Variants in ATG10 observed in about 807,000 individuals in gnomAD.
The protein encoded by ATG10 is ubiquitin-like-conjugating enzyme ATG10.
A neutral mutation model predicts 32.1 loss-of-function variants in ATG10; 30 were observed. That is an observed-to-expected ratio of 0.94 (90% CI 0.70 to 1.27). The LOEUF (loss-of-function observed/expected upper bound fraction) is 1.27. ATG10 is among the 50% of genes most tolerant of loss of function. The pLI is 0.00. For missense variants in ATG10, 233 were observed against 262.3 expected, an observed-to-expected ratio of 0.89 and a Z score of 0.77; for synonymous variants, 87 against 91.5, an observed-to-expected ratio of 0.95 and a Z score of 0.28.
At chr5:82,077,692 G>A (rs533241662) in intron 3 of ATG10, among the ~76,000 whole-genome samples, 7 of 152,240 alleles carry the variant, frequency 4.6e-5, no homozygotes, top group Non-Finnish European at 7.3e-5. Context: ...TAGTGCAGAC[G>A]TCTTTGCATC....
intron 5 of ATG10, among the ~76,000 whole-genome samples, chr5:82,199,339 A>G (rs915467718): frequency 6.6e-6 from 1 of 151,990 alleles, no homozygotes; most frequent in Non-Finnish European, 1.5e-5. Context: ...CCAAGTCTTG[A>G]CAGCTAACTA....
intron 4 of ATG10, among the ~76,000 whole-genome samples, chr5:82,174,991 G>A (rs1351704159): frequency 6.6e-6 from 1 of 152,142 alleles, no homozygotes; most frequent in Non-Finnish European, 1.5e-5. Context: ...GGAGACCATG[G>A]TTTGGAGAGG....
At chr5:82,160,379 G>A (rs1743268747) in intron 3 of ATG10, among the ~76,000 whole-genome samples, 1 of 152,126 alleles carries the variant, frequency 6.6e-6, no homozygotes, top group East Asian at 1.9e-4. Flanking sequence ...TTCCTAAATA[G>A]TATGGTATGG....
At chr5:82,162,124 A>G (rs1446875594) in intron 3 of ATG10, among the ~76,000 whole-genome samples, 2 of 152,126 alleles carry the variant, frequency 1.3e-5, no homozygotes, top group African/African-American at 2.4e-5. Flanking sequence ...CTATTTTTCT[A>G]TGGTGCAGAC....
chr5:82,071,542 G>A (rs1487509233), intron 3 of ATG10, among the ~76,000 whole-genome samples: 5 of 152,092 alleles, frequency 3.3e-5, no homozygotes, highest in Non-Finnish European at 7.4e-5. Context: ...ATCACGCAGG[G>A]TATTGGAATT....
intron 5 of ATG10, among the ~76,000 whole-genome samples, chr5:82,196,017 A>T (rs1409921469): frequency 6.6e-6 from 1 of 152,214 alleles, no homozygotes; most frequent in Non-Finnish European, 1.5e-5. Flanking sequence ...TGAGGGTTAC[A>T]GTTTCTCCCC....
At chr5:82,103,724 C>T (rs1459066322) in intron 3 of ATG10, among the ~76,000 whole-genome samples, 2 of 151,990 alleles carry the variant, frequency 1.3e-5, no homozygotes, top group South Asian at 2.1e-4. Context: ...GGGTGGGCTT[C>T]AGTGGTTCTC....
In ATG10 at chr5:81,979,092, A is replaced by AT. The variant is rs1760954482; in HGVS notation, c.-13+6790dup. Among the ~76,000 whole-genome samples, 6 of 151,710 alleles carry AT rather than the reference A, an allele frequency of 4.0e-5. No individual in the cohort carries two copies. In the South Asian group the frequency reaches 1.2e-3, roughly 32 times the overall value. Reference sequence around the variant, plus strand: ...TTTTTGTATTTTTAGTAGAGAAGGGATTTTGCCATGTTTGCCAGGCTGGTC... The same window carrying AT: ...TTTTTGTATTTTTAGTAGAGAAGGGATTTTTGCCATGTTTGCCAGGCTGGTC... On this transcript the variant is annotated intron_variant, in intron 1 of 7. Transcript: ENST00000282185.
intron 5 of ATG10, among the ~76,000 whole-genome samples, chr5:82,193,454 T>C (rs552276460): frequency 1.1e-4 from 17 of 152,290 alleles, no homozygotes; most frequent in Admixed American, 7.8e-4. Flanking sequence ...CACACGGCAG[T>C]TTGGGTTTTT....
At chr5:82,135,002 T>A (rs1234216836) in intron 3 of ATG10, among the ~76,000 whole-genome samples, 2 of 150,384 alleles carry the variant, frequency 1.3e-5, no homozygotes. Context: ...ATTTTCTAGT[T>A]TATTTGCATA....
At chr5:82,142,447 T>C (rs1343182562) in intron 3 of ATG10, among the ~76,000 whole-genome samples, 1 of 152,112 alleles carries the variant, frequency 6.6e-6, no homozygotes, top group Non-Finnish European at 1.5e-5. Flanking sequence ...ATGGCACGTA[T>C]GTAAAGGCAC....
chr5:82,016,518 C>T (rs1371355762), intron 2 of ATG10, among the ~76,000 whole-genome samples: 1 of 152,066 alleles, frequency 6.6e-6, no homozygotes, highest in East Asian at 1.9e-4. Context: ...AATGTAATGC[C>T]TCCAGATTTG....
intron 2 of ATG10, among the ~76,000 whole-genome samples, chr5:81,989,056 T>G (rs1234388025): frequency 2.0e-5 from 3 of 152,108 alleles, no homozygotes; most frequent in Non-Finnish European, 4.4e-5. Context: ...GGTCTTGAAC[T>G]CCTGACCTTA....
intron 5 of ATG10, among the ~76,000 whole-genome samples, chr5:82,250,695 G>A (rs566794007): frequency 1.1e-4 from 16 of 152,106 alleles, no homozygotes; most frequent in South Asian, 4.2e-4. Context: ...TTATTTATTC[G>A]TTCTGTGTGT....
Position 82,086,969 on chromosome 5 carries a change from G to A in ATG10, c.216+28367G>A, listed in dbSNP as rs755092666. On this transcript the variant is annotated intron_variant, in intron 3 of 7. Transcript: ENST00000282185. ...TTGTAAGAGTTTTAGAGTCTAGATC[G>A]TATTTTGTTACAATGAGAAAAATGT... Among the ~76,000 whole-genome samples, 9 of 152,178 alleles carry A rather than the reference G, an allele frequency of 5.9e-5. No individual in the cohort carries two copies. In the East Asian group the frequency reaches 7.7e-4, roughly 13 times the overall value.
intron 2 of ATG10, among the ~76,000 whole-genome samples, chr5:82,001,253 T>G (rs1761840584): frequency 6.6e-6 from 1 of 152,182 alleles, no homozygotes; most frequent in Admixed American, 6.6e-5. Context: ...GTCTACTATC[T>G]TCCTATCAAT....
chr5:82,232,165 A>C (rs1283639713), intron 5 of ATG10, among the ~76,000 whole-genome samples: 1 of 152,164 alleles, frequency 6.6e-6, no homozygotes, highest in Non-Finnish European at 1.5e-5. Context: ...CCTAGCTCAA[A>C]AGTGGTGTCC....
intron 3 of ATG10, among the ~76,000 whole-genome samples, chr5:82,094,587 A>G (rs1031039616): frequency 3.9e-5 from 6 of 152,146 alleles, no homozygotes; most frequent in African/African-American, 1.4e-4. Flanking sequence ...AAATACGCTC[A>G]TAAGTTTTAA....
At chr5:82,006,051 A>T (rs1022906307) in intron 2 of ATG10, among the ~76,000 whole-genome samples, 2 of 152,176 alleles carry the variant, frequency 1.3e-5, no homozygotes, top group African/African-American at 2.4e-5. Context: ...TATAGTAAAA[A>T]TTTTAAATTT....
Sources: allele counts gnomAD v4.1 joint callset (sites outside exome capture counted in the v4.1 genomes callset), GRCh38; gene constraint gnomAD v4.1.1; transcripts MANE v1.5; gene names NCBI Gene and HGNC (gene_info 2026-07-23, HGNC 2026-07-21).